The following RNASET2 variants were observed in gnomAD, a reference collection of about 807,000 sequenced individuals.
RNASET2 encodes ribonuclease 6.
In RNASET2, 28 loss-of-function variants were observed where a neutral mutation model predicts 33.9. That is an observed-to-expected ratio of 0.83 (90% CI 0.61 to 1.13). RNASET2 has a LOEUF of 1.13. Among genes scored for constraint, RNASET2 ranks in the 50% most tolerant of loss-of-function variants. RNASET2 has a pLI of 0.00. For synonymous variants in RNASET2, 123 were observed against 121.0 expected (o/e 1.02, Z -0.11); for missense variants, 330 against 319.9 (o/e 1.03, Z -0.24).
intron 8 of RNASET2, among the ~76,000 whole-genome samples, chr6:166,930,229 TAAGC>T (rs1778386547): frequency 6.6e-6 from 1 of 152,236 alleles, no homozygotes; most frequent in Admixed American, 6.5e-5. Flanking sequence ...TTGTTAAAGA[TAAGC>T]AAGAAGACAA....
At chr6:166,955,288 ACG>A (rs1562507092) in intron 1 of RNASET2, among the ~76,000 whole-genome samples, 48 of 68,366 alleles carry the variant, frequency 7.0e-4, no homozygotes, top group Middle Eastern at 6.8e-3. Context: ...CACGACACAC[ACG>A]CACAGACGCG....
chr6:166,934,031 C>T (rs895638648), intron 7 of RNASET2, 60 bp downstream of exon 7: 25 of 1,244,420 alleles, frequency 2.0e-5, no homozygotes, highest in East Asian at 4.6e-5. Context: ...GAGGCTGAAA[C>T]GGCCCTACTG....
chr6:166,949,839 C>T (rs1778940539), intron 2 of RNASET2, among the ~76,000 whole-genome samples: 1 of 152,168 alleles, frequency 6.6e-6, no homozygotes, highest in African/African-American at 2.4e-5. Context: ...TGTGGGAGAG[C>T]CCAGAACACT....
At chr6:166,930,685 G>A (rs191494977) in intron 8 of RNASET2, among the ~76,000 whole-genome samples, 73 of 138,394 alleles carry the variant, frequency 5.3e-4, no homozygotes, top group African/African-American at 7.2e-4. Context: ...ATACTCATGC[G>A]CATACAGCAC....
At chr6:166,948,520 C>G in intron 3 of RNASET2, 50 bp downstream of exon 3, 1 of 1,128,848 alleles carries the variant, frequency 8.9e-7, no homozygotes, top group South Asian at 1.2e-5. Context: ...GCTAGGGTTC[C>G]CAGTCAGCAA....
chr6:166,950,387 G>C (rs1309373235), intron 2 of RNASET2, among the ~76,000 whole-genome samples: 1 of 152,196 alleles, frequency 6.6e-6, no homozygotes, highest in Non-Finnish European at 1.5e-5. Flanking sequence ...CTGCAAAACT[G>C]AAAACGGGGC....
In RNASET2 at chr6:166,943,641, C is replaced by T. The variant is rs561721739; in HGVS notation, c.262-552G>A. 6 of 391,302 alleles carry T rather than the reference C, an allele frequency of 1.5e-5. No individual in the cohort carries two copies. In the East Asian group the frequency reaches 2.5e-4, roughly 16 times the overall value. 24.2% of individuals were successfully genotyped at this position (391,302 alleles called of 1,614,324 possible). A position where few individuals can be genotyped will look rare whatever the true frequency, so the allele number is the denominator to read the frequency against. On this transcript the variant is annotated intron_variant, in intron 4 of 8. Coordinates refer to ENST00000508775, the MANE Select transcript of RNASET2 (RefSeq NM_003730.6). Reference sequence around the variant, plus strand: ...TTGCTCTCCTGCATTTGTCCAAAGCCGCACAACACAGGAGTAAACCCTAAT... The same window carrying T: ...TTGCTCTCCTGCATTTGTCCAAAGCTGCACAACACAGGAGTAAACCCTAAT...
At chr6:166,951,175 G>C (rs1480806881) in intron 2 of RNASET2, among the ~76,000 whole-genome samples, 1 of 148,324 alleles carries the variant, frequency 6.7e-6, no homozygotes, top group Admixed American at 6.6e-5. Context: ...CGGAGGCGGA[G>C]AGAGAGAGAG....
In RNASET2 at chr6:166,928,778, G is replaced by A. The variant is rs1483335341; in HGVS notation, c.*810C>T. ...GTGCAGCAGTCTGCCTGACGTGAGA[G>A]CCATGTCATCACATATCTAGAAGGT... is the stretch of plus-strand genomic sequence containing the variant. On this transcript the variant is annotated 3_prime_UTR_variant, in exon 9 of 9. Transcript: ENST00000508775. 6.6e-6 allele frequency among the ~76,000 whole-genome samples: 1 copy of A among 152,220 alleles called. No individual in the cohort carries two copies. Among genetic ancestry groups the A allele is most frequent in the Non-Finnish European group, 1.5e-5 (1 of 68,042 alleles).
At chr6:166,949,051 C>T (rs550545858) in intron 2 of RNASET2, among the ~76,000 whole-genome samples, 215 of 151,820 alleles carry the variant, frequency 1.4e-3, no homozygotes, top group African/African-American at 5.1e-3. Context: ...CCCATCTCTA[C>T]TAAAAATACA....
At chr6:166,955,231 G>GCA (rs1253223693) in intron 1 of RNASET2, among the ~76,000 whole-genome samples, 16 of 58,166 alleles carry the variant, frequency 2.8e-4, no homozygotes, top group South Asian at 1.3e-3. Context: ...GCGCACACAC[G>GCA]CACGCACGCA....
rs776273692 is a variant in RNASET2 at position 166,948,399 on chromosome 6, G to A, written c.203+171C>T. 1.6e-5 allele frequency: 11 copies of A among 683,128 alleles called. No individual in the cohort carries two copies. In the African/African-American group the frequency reaches 1.8e-4, roughly 11 times the overall value. The allele number at this position is 683,128 out of a possible 1,614,324, so 42.3% of individuals were successfully genotyped here. On this transcript the variant is annotated intron_variant, in intron 3 of 8. Transcript: ENST00000508775. ...CTATGAAGACAGAATTAAAGAACAAGAGAATCAGGGTTCTGCTAGAAAGAC... is the reference window on the plus strand; with the variant it reads ...CTATGAAGACAGAATTAAAGAACAAAAGAATCAGGGTTCTGCTAGAAAGAC...
intron 1 of RNASET2, among the ~76,000 whole-genome samples, chr6:166,955,237 ACG>A (rs1471900054): frequency 1.5e-4 from 18 of 118,590 alleles, no homozygotes; most frequent in African/African-American, 5.3e-4. Context: ...ACACGCACGC[ACG>A]CACACACACG....
intron 3 of RNASET2, among the ~76,000 whole-genome samples, chr6:166,947,772 C>A (rs1053515636): frequency 6.6e-6 from 1 of 152,130 alleles, no homozygotes; most frequent in Non-Finnish European, 1.5e-5. Context: ...TTTTCAATCC[C>A]GGCATCGAGG....
rs151337311 is a variant in RNASET2 at position 166,952,362 on chromosome 6, C to T, written c.147+126G>A. ...AGGCAGTCTCTGCAGGAGACACCGC[C>T]CACCCGCCAGAGCGATGCCTACCTC... On this transcript the variant is annotated intron_variant, in intron 2 of 8. Transcript: ENST00000508775. The T allele has an allele frequency of 4.2e-4, 358 of 846,548 alleles. 1 individual carries two copies. The African/African-American group carries it at 5.4e-3, about 13-fold the overall frequency. 52.4% of individuals were successfully genotyped at this position (846,548 alleles called of 1,614,324 possible). A position where few individuals can be genotyped will look rare whatever the true frequency, so the allele number is the denominator to read the frequency against.
chr6:166,932,910 G>A (rs535949299), intron 7 of RNASET2: 1 of 152,316 alleles, frequency 6.6e-6, no homozygotes, highest in Non-Finnish European at 1.5e-5. Flanking sequence ...CTGGGGTTGG[G>A]GTTGAGGGGG....
rs763299296 is a variant in RNASET2, at chr6:166,938,977, C to T, written c.364G>A (p.Ala122Thr). ...KHEWEKHGTCAAQVDALNSQK... is the reference protein window; with the variant it reads ...KHEWEKHGTCTAQVDALNSQK... ...GAGTTGAGCGCATCCACCTGGGCGG[C>T]GCAGGTCCCATGCTTTTCCCACTCA... Residue 122 changes from alanine (A) to threonine (T), a missense_variant, in exon 6 of 9, where the codon GCC becomes ACC. Ala to Thr is a moderately conservative substitution (Grantham distance 58). Transcript: ENST00000508775. The T allele has an allele frequency of 2.2e-5, 35 of 1,613,432 alleles. No homozygotes were observed. Among genetic ancestry groups the T allele is most frequent in the South Asian group, 3.3e-5 (3 of 91,076 alleles).
chr6:166,924,547 C>T lies in RNASET2; in HGVS notation c.*5041G>A, dbSNP rs1778276152. Reference sequence around the variant, plus strand: ...TGTAGTGTGACGTGGCCATTAGGGCCCACAGATCCTTCCCTGCAGTTGCTG... The same window carrying T: ...TGTAGTGTGACGTGGCCATTAGGGCTCACAGATCCTTCCCTGCAGTTGCTG... On this transcript the variant is annotated 3_prime_UTR_variant, in exon 9 of 9. Transcript: ENST00000508775. Among the ~76,000 whole-genome samples the T allele has an allele frequency of 6.6e-6, 1 of 152,176 alleles. No homozygotes were observed. The highest frequency in any genetic ancestry group is 1.9e-4 in the East Asian group (1 of 5,194).
rs1280635814 is a variant in RNASET2 at position 166,943,093 on chromosome 6, T to C, written c.262-4A>G. 5 of 1,610,586 alleles carry C rather than the reference T, an allele frequency of 3.1e-6. No homozygotes were observed. Among genetic ancestry groups the C allele is most frequent in the Non-Finnish European group, 4.2e-6 (5 of 1,177,518 alleles). Reference sequence around the variant, plus strand: ...CCCTCATTTCTGGCAAAAGATCCTATGCATTAAAAAATAAAATAAGTCTAC... The same window carrying C: ...CCCTCATTTCTGGCAAAAGATCCTACGCATTAAAAAATAAAATAAGTCTAC... On this transcript the variant is annotated splice_polypyrimidine_tract_variant and splice_region_variant and intron_variant, in intron 4 of 8. Transcript: ENST00000508775.
Sources: gnomAD v4.1 joint callset for allele counts (sites outside exome capture counted in the v4.1 genomes callset) on GRCh38, gnomAD v4.1.1 for gene constraint, MANE v1.5 for transcripts, NCBI Gene and HGNC (gene_info 2026-07-23, HGNC 2026-07-21) for gene names.